Variants in LYPD6 observed in about 807,000 individuals in gnomAD.
The protein encoded by LYPD6 is ly6/PLAUR domain-containing protein 6.
LYPD6 carries 15 observed loss-of-function variants against 22.7 expected under a neutral mutation model. The ratio of observed to expected loss-of-function variants is 0.66; its 90% CI spans 0.44 to 1.02. LYPD6 has a LOEUF of 1.02. Ranked by LOEUF, LYPD6 falls within the 50% of genes least tolerant of loss-of-function variation. The pLI is 0.00. For missense variants in LYPD6, 189 were observed against 208.4 expected (o/e 0.91, Z 0.57); for synonymous variants, 72 against 77.5 (o/e 0.93, Z 0.37).
chr2:149,385,790 AAGAG>A (rs796150428), intron 1 of LYPD6, among the ~76,000 whole-genome samples: 1 of 152,182 alleles, frequency 6.6e-6, no homozygotes, highest in Non-Finnish European at 1.5e-5. Flanking sequence ...TGTATACAGA[AAGAG>A]AGGGAAAAAG....
intron 1 of LYPD6, among the ~76,000 whole-genome samples, chr2:149,373,148 G>A (rs1338355899): frequency 6.6e-6 from 1 of 152,152 alleles, no homozygotes; most frequent in Non-Finnish European, 1.5e-5. Flanking sequence ...GCTTTGTGGG[G>A]TGCAGGAGAA....
intron 1 of LYPD6, among the ~76,000 whole-genome samples, chr2:149,347,795 A>G (rs1050489242): frequency 6.6e-6 from 1 of 152,206 alleles, no homozygotes; most frequent in Non-Finnish European, 1.5e-5. Flanking sequence ...TTTTAATTGC[A>G]TGAACACTGT....
At chr2:149,331,424 C>T (rs1374201327) in intron 1 of LYPD6, among the ~76,000 whole-genome samples, 3 of 152,224 alleles carry the variant, frequency 2.0e-5, no homozygotes, top group Non-Finnish European at 4.4e-5. Context: ...GTCTGACTCG[C>T]TCTGACCCCC....
downstream of LYPD6, among the ~76,000 whole-genome samples, chr2:149,474,323 C>A (rs183371978): frequency 6.6e-6 from 1 of 152,128 alleles, no homozygotes; most frequent in Admixed American, 6.6e-5. Context: ...CTCAGCCTCC[C>A]GAGTAGCTGG....
chr2:149,465,135 C>T (rs1003533663), intron 3 of LYPD6, among the ~76,000 whole-genome samples: 1 of 152,176 alleles, frequency 6.6e-6, no homozygotes, highest in African/African-American at 2.4e-5. Flanking sequence ...AGAATATCGA[C>T]TTTCATATTA....
At chr2:149,387,761 G>A (rs900993126) in intron 1 of LYPD6, among the ~76,000 whole-genome samples, 12 of 152,186 alleles carry the variant, frequency 7.9e-5, no homozygotes, top group Non-Finnish European at 1.5e-4. Context: ...GAGCCATGAA[G>A]TAAATGATGA....
intron 1 of LYPD6, among the ~76,000 whole-genome samples, chr2:149,336,900 A>G (rs759909855): frequency 1.5e-4 from 23 of 150,690 alleles, no homozygotes; most frequent in Non-Finnish European, 3.0e-4. Context: ...TGAATTCCCC[A>G]TGTAAAAAGG....
intron 1 of LYPD6, among the ~76,000 whole-genome samples, chr2:149,354,075 C>A (rs1410929285): frequency 1.3e-5 from 2 of 152,154 alleles, no homozygotes; most frequent in African/African-American, 4.8e-5. Flanking sequence ...TTTGTCTCCT[C>A]CCAGATTCAC....
intron 1 of LYPD6, among the ~76,000 whole-genome samples, chr2:149,418,244 A>G (rs1683006144): frequency 6.6e-6 from 1 of 152,220 alleles, no homozygotes; most frequent in Non-Finnish European, 1.5e-5. Flanking sequence ...TTTGTGACAC[A>G]ATTGTAGGGG....
intron 1 of LYPD6, among the ~76,000 whole-genome samples, chr2:149,385,706 G>C (rs977187433): frequency 6.6e-6 from 1 of 152,186 alleles, no homozygotes; most frequent in Non-Finnish European, 1.5e-5. Context: ...GAACAGAACA[G>C]CTATGGCAAA....
intron 1 of LYPD6, among the ~76,000 whole-genome samples, chr2:149,344,019 C>G (rs1373514737): frequency 6.6e-6 from 1 of 152,152 alleles, no homozygotes; most frequent in Non-Finnish European, 1.5e-5. Flanking sequence ...CAGTGATTCC[C>G]AGACCTATTT....
intron 1 of LYPD6, among the ~76,000 whole-genome samples, chr2:149,367,159 A>G (rs1476645235): frequency 6.6e-6 from 1 of 152,144 alleles, no homozygotes; most frequent in Non-Finnish European, 1.5e-5. Flanking sequence ...CAAATTTTGT[A>G]TGGCTTAGGT....
chr2:149,440,951 C>T (rs575830005), intron 2 of LYPD6, among the ~76,000 whole-genome samples: 6 of 152,078 alleles, frequency 3.9e-5, no homozygotes, highest in East Asian at 1.9e-4. Context: ...GTGATCTGCC[C>T]GCCTCGGCCT....
intron 1 of LYPD6, among the ~76,000 whole-genome samples, chr2:149,432,944 T>G (rs1227975956): frequency 6.6e-6 from 1 of 152,228 alleles, no homozygotes; most frequent in East Asian, 1.9e-4. Context: ...AAAATGTTAT[T>G]AAAAGTTTTT....
chr2:149,466,920 G>T (rs1441908880), intron 3 of LYPD6, among the ~76,000 whole-genome samples: 4 of 150,296 alleles, frequency 2.7e-5, no homozygotes, highest in Non-Finnish European at 3.0e-5. Flanking sequence ...TGGGGTGGGG[G>T]TGGGAAAGAT....
intron 1 of LYPD6, among the ~76,000 whole-genome samples, chr2:149,345,604 C>T (rs151227572): frequency 2.2e-4 from 33 of 151,898 alleles, no homozygotes; most frequent in African/African-American, 3.6e-4. Flanking sequence ...TGGGAGCCAA[C>T]GCACCCGGCC....
chr2:149,390,457 G>A (rs1250202299), intron 1 of LYPD6, among the ~76,000 whole-genome samples: 1 of 152,186 alleles, frequency 6.6e-6, no homozygotes, highest in African/African-American at 2.4e-5. Flanking sequence ...TACTCATGCA[G>A]TACTTCCTGT....
At chr2:149,414,722 G>A (rs372257574) in intron 1 of LYPD6, among the ~76,000 whole-genome samples, 1 of 152,174 alleles carries the variant, frequency 6.6e-6, no homozygotes, top group African/African-American at 2.4e-5. Flanking sequence ...AATATATTCT[G>A]TAGTACCCTG....
intron 1 of LYPD6, among the ~76,000 whole-genome samples, chr2:149,398,267 A>G (rs991109987): frequency 1.3e-5 from 2 of 151,936 alleles, no homozygotes; most frequent in African/African-American, 4.8e-5. Flanking sequence ...TCTCTCTTCC[A>G]TATACTCCTT....
Sources: gnomAD v4.1 joint callset for allele counts (sites outside exome capture counted in the v4.1 genomes callset) on GRCh38, gnomAD v4.1.1 for gene constraint, MANE v1.5 for transcripts, NCBI Gene and HGNC (gene_info 2026-07-23, HGNC 2026-07-21) for gene names.